FGD5: variants seen among roughly 807,000 people sequenced by gnomAD.
The protein encoded by FGD5 is FYVE, RhoGEF and PH domain-containing protein 5.
In FGD5, 28 loss-of-function variants were observed where a neutral mutation model predicts 133.4. That is an observed-to-expected ratio of 0.21 (90% confidence interval 0.16 to 0.29). The LOEUF is 0.29. Ranked by LOEUF, FGD5 falls within the 10% of genes least tolerant of loss-of-function variation. The probability of loss-of-function intolerance (pLI) is 1.00; values close to 1 mark genes in which losing one functional copy is unlikely to be tolerated. For synonymous variants in FGD5, 810 were observed against 776.5 expected, an observed-to-expected ratio of 1.04 and a Z score of -0.72; for missense variants, 1,858 against 1,895.2, an observed-to-expected ratio of 0.98 and a Z score of 0.36.
chr3:14,918,706 T>C, intron 12 of FGD5, 48 bp from the exon 13 acceptor site: 1 of 1,587,166 alleles, frequency 6.3e-7, no homozygotes, highest in Admixed American at 1.7e-5. Context: ...CGGTCTACAC[T>C]TGCCCCTCCC....
intron 12 of FGD5, among the ~76,000 whole-genome samples, chr3:14,918,316 G>A (rs958371443): frequency 2.0e-5 from 3 of 152,238 alleles, no homozygotes; most frequent in Admixed American, 2.0e-4. Flanking sequence ...GGAGAGCTGA[G>A]AGAGGCACTG....
rs188404853 is a variant in FGD5 at position 14,897,726 on chromosome 3, G to A, written c.2909+57G>A. On this transcript the variant is annotated intron_variant, in intron 5 of 19. Coordinates refer to ENST00000285046, the MANE Select transcript of FGD5 (RefSeq NM_152536.4). ...TTTGTTGCACTGGGGGAATGGAGAC[G>A]GATAAAAACACCACCATATGAAATA... 4.3e-4 allele frequency: 660 copies of A among 1,521,074 alleles called. 8 individuals carry two copies. In the East Asian group the frequency reaches 7.7e-3, roughly 18 times the overall value. 94.2% of individuals were successfully genotyped at this position (1,521,074 alleles called of 1,614,324 possible).
intron 1 of FGD5, among the ~76,000 whole-genome samples, chr3:14,825,480 T>TAC (rs1211889834): frequency 1.3e-5 from 2 of 151,868 alleles, no homozygotes; most frequent in African/African-American, 4.8e-5. Flanking sequence ...TATATATATG[T>TAC]ACACACGCAC....
Position 14,820,297 on chromosome 3 carries a change from C to A in FGD5, c.1226C>A (p.Ala409Glu). 1 of 1,605,820 alleles carries A rather than the reference C, an allele frequency of 6.2e-7. No individual in the cohort carries two copies. Among genetic ancestry groups the A allele is most frequent in the Non-Finnish European group, 8.5e-7 (1 of 1,175,558 alleles). Residue 409 changes from alanine (A) to glutamate (E), a missense_variant, in exon 1 of 20, where the codon GCA (alanine) becomes GAA (glutamate). Ala to Glu is a moderately radical substitution (Grantham distance 107). Coordinates refer to ENST00000285046, the MANE Select transcript of FGD5 (RefSeq NM_152536.4). ...SLQGGAAEGP[A>E]APDVVVVLEE... ...CAGGGTGGAGCGGCCGAGGGTCCCG[C>A]AGCCCCTGATGTGGTGGTCGTGCTG...
intron 2 of FGD5, among the ~76,000 whole-genome samples, chr3:14,877,092 C>T (rs1228263677): frequency 6.8e-6 from 1 of 147,410 alleles, no homozygotes; most frequent in African/African-American, 2.7e-5. Context: ...GCACCCCCAG[C>T]CCCCAAGCTC....
chr3:14,827,089 A>C (rs570089099), intron 1 of FGD5, among the ~76,000 whole-genome samples: 83 of 152,286 alleles, frequency 5.5e-4, no homozygotes, highest in African/African-American at 1.9e-3. Context: ...ACAGTTAGTT[A>C]GGTAGGAATT....
chr3:14,865,198 T>C (rs1483782900), intron 2 of FGD5, among the ~76,000 whole-genome samples: 2 of 133,256 alleles, frequency 1.5e-5, no homozygotes, highest in African/African-American at 2.8e-5. Flanking sequence ...CTTCGCCCGC[T>C]TCCCAGCAGA....
At chr3:14,903,235 A>G (rs918933980) in intron 9 of FGD5, among the ~76,000 whole-genome samples, 4 of 152,226 alleles carry the variant, frequency 2.6e-5, no homozygotes, top group African/African-American at 9.6e-5. Context: ...TGCTTTCTGA[A>G]TAGACTTTAT....
chr3:14,852,713 G>A (rs1293144918), intron 1 of FGD5, among the ~76,000 whole-genome samples: 2 of 152,168 alleles, frequency 1.3e-5, no homozygotes, highest in East Asian at 3.8e-4. Context: ...TTTACTTAGT[G>A]AGAAATGGAA....
At chr3:14,883,014 C>A (rs926042344) in intron 4 of FGD5, among the ~76,000 whole-genome samples, 1 of 152,132 alleles carries the variant, frequency 6.6e-6, no homozygotes, top group Non-Finnish European at 1.5e-5. Flanking sequence ...CCCCAAATCT[C>A]CCCAGCAGGA....
At chr3:14,916,865 G>A (rs527438316) in intron 11 of FGD5, among the ~76,000 whole-genome samples, 12 of 152,332 alleles carry the variant, frequency 7.9e-5, no homozygotes, top group Non-Finnish European at 1.0e-4. Context: ...ATGCATCCAC[G>A]TGGTGGTGTG....
At chr3:14,894,103 C>G (rs1294794643) in intron 4 of FGD5, among the ~76,000 whole-genome samples, 1 of 152,168 alleles carries the variant, frequency 6.6e-6, no homozygotes, top group Non-Finnish European at 1.5e-5. Flanking sequence ...TAATCATCCT[C>G]TCTTCATTGC....
At chr3:14,822,465 T>A (rs371267831) in intron 1 of FGD5, among the ~76,000 whole-genome samples, 8 of 151,938 alleles carry the variant, frequency 5.3e-5, no homozygotes, top group African/African-American at 1.7e-4. Context: ...TGAATGGAAG[T>A]CTTTAAGAGC....
chr3:14,888,209 G>T (rs557241020), intron 4 of FGD5, among the ~76,000 whole-genome samples: 12 of 151,426 alleles, frequency 7.9e-5, no homozygotes, highest in Admixed American at 5.9e-4. Flanking sequence ...CGCCCTCAGA[G>T]ATATTTACTT....
At chr3:14,918,405 G>A (rs1559505643) in intron 12 of FGD5, among the ~76,000 whole-genome samples, 1 of 152,234 alleles carries the variant, frequency 6.6e-6, no homozygotes, top group Non-Finnish European at 1.5e-5. Context: ...ATGGAGGTTT[G>A]TTCCCTTTTG....
At chr3:14,887,602 A>G (rs1268158315) in intron 4 of FGD5, among the ~76,000 whole-genome samples, 1 of 152,138 alleles carries the variant, frequency 6.6e-6, no homozygotes, top group African/African-American at 2.4e-5. Context: ...TCTGGGTGAC[A>G]TATCAGGGAG....
chr3:14,831,606 C>G (rs1369176211), intron 1 of FGD5, among the ~76,000 whole-genome samples: 1 of 152,084 alleles, frequency 6.6e-6, no homozygotes, highest in Non-Finnish European at 1.5e-5. Context: ...ACTGGCCCAG[C>G]CACACCAGAG....
rs898646211 is a variant in FGD5 at position 14,924,092 on chromosome 3, C to G, written c.4022C>G (p.Pro1341Arg). ...AFSSVFQSIN[P>R]STFKKQKKVP... Reference sequence around the variant, plus strand: ...TCATCCGTCTTCCAGAGCATTAACCCCTCGACCTTCAAGAAGCAGAAGAAA... The same window carrying G: ...TCATCCGTCTTCCAGAGCATTAACCGCTCGACCTTCAAGAAGCAGAAGAAA... Residue 1341 changes from proline (P) to arginine (R), a missense_variant, in exon 17 of 20, where the codon CCC becomes CGC. By Grantham distance (103) the Pro-to-Arg change is moderately radical. Around this residue, in one of 3 missense-constraint regions of FGD5, gnomAD observed 1,824 missense variants for 1,848.9 expected, o/e 0.99. Coordinates refer to ENST00000285046, the MANE Select transcript of FGD5 (RefSeq NM_152536.4). The G allele has an allele frequency of 1.9e-6, 3 of 1,613,872 alleles. No individual in the cohort carries two copies. Among genetic ancestry groups the G allele is most frequent in the Non-Finnish European group, 2.5e-6 (3 of 1,179,896 alleles).
At chr3:14,846,942 A>C (rs1294204547) in intron 1 of FGD5, among the ~76,000 whole-genome samples, 1 of 152,176 alleles carries the variant, frequency 6.6e-6, no homozygotes, top group East Asian at 1.9e-4. Flanking sequence ...TGAAGGTAAC[A>C]GGTTTAGGAC....
Sources: gnomAD v4.1 joint callset for allele counts (sites outside exome capture counted in the v4.1 genomes callset) on GRCh38, gnomAD v4.1.1 for gene constraint, gnomAD v4.1.1 regional missense constraint, MANE v1.5 for transcripts, NCBI Gene and HGNC (gene_info 2026-07-23, HGNC 2026-07-21) for gene names.